The following LRP1B variants were observed in gnomAD, a reference collection of about 807,000 sequenced individuals.
LRP1B encodes LDL receptor related protein 1B, also known as low-density lipoprotein receptor-related protein 1B.
Under a neutral mutation model 556.6 loss-of-function variants are expected in LRP1B, and 217 were observed. The ratio of observed to expected loss-of-function variants is 0.39; its 90% CI spans 0.35 to 0.44. The LOEUF (loss-of-function observed/expected upper bound fraction) is 0.44, where lower values mean the gene tolerates loss of function less well. LRP1B is among the 20% of genes least tolerant of loss of function. LRP1B has a pLI of 1.00. For synonymous variants in LRP1B, 2,047 were observed against 1,865.8 expected, an observed-to-expected ratio of 1.10 and a Z score of -2.50; for missense variants, 5,053 against 5,620.8, an observed-to-expected ratio of 0.90 and a Z score of 3.23.
chr2:140,880,943 G>A (rs1263814698), intron 25 of LRP1B, among the ~76,000 whole-genome samples: 2 of 152,046 alleles, frequency 1.3e-5, no homozygotes, highest in Non-Finnish European at 2.9e-5. Context: ...GGATTTTACA[G>A]ACTGAAAACA....
chr2:141,058,740 C>A, intron 9 of LRP1B, 143 bp downstream of exon 9: 2 of 516,394 alleles, frequency 3.9e-6, no homozygotes, highest in Non-Finnish European at 6.3e-6. Context: ...AGCTCTATTC[C>A]ATTTAACAAG....
chr2:141,035,105 G>A (rs1398478960), intron 11 of LRP1B, among the ~76,000 whole-genome samples: 1 of 151,774 alleles, frequency 6.6e-6, no homozygotes, highest in Non-Finnish European at 1.5e-5. Context: ...ACTATCGCAA[G>A]GACAAAATCA....
chr2:141,615,869 C>G (rs1352621839), intron 2 of LRP1B, among the ~76,000 whole-genome samples: 1 of 152,082 alleles, frequency 6.6e-6, no homozygotes, highest in Non-Finnish European at 1.5e-5. Context: ...CGGCATAAAT[C>G]CTATAAACAG....
intron 1 of LRP1B, among the ~76,000 whole-genome samples, chr2:142,014,925 A>C (rs1703072868): frequency 6.6e-6 from 1 of 152,228 alleles, no homozygotes; most frequent in South Asian, 2.1e-4. Context: ...AAACTAAACT[A>C]AAGATAAATA....
chr2:141,463,582 TTATATATA>T (rs1245832967), intron 3 of LRP1B, among the ~76,000 whole-genome samples: 2 of 78,344 alleles, frequency 2.6e-5, no homozygotes, highest in African/African-American at 1.1e-4. Context: ...TTATATATAA[TTATATATA>T]ATATATATTA....
chr2:141,329,766 C>A (rs866249710), intron 3 of LRP1B, among the ~76,000 whole-genome samples: 4 of 151,768 alleles, frequency 2.6e-5, no homozygotes, highest in African/African-American at 7.2e-5. Flanking sequence ...GGAGAAGGAA[C>A]AAATATCATC....
intron 7 of LRP1B, among the ~76,000 whole-genome samples, chr2:141,177,902 T>A (rs942005348): frequency 6.6e-6 from 1 of 152,122 alleles, no homozygotes; most frequent in Non-Finnish European, 1.5e-5. Flanking sequence ...CTCTGAAACA[T>A]TGTTTTAGAT....
intron 3 of LRP1B, among the ~76,000 whole-genome samples, chr2:141,260,499 G>GTCAA (rs150393672): frequency 1.4e-3 from 1 of 718 alleles, no homozygotes; most frequent in East Asian, 0.045. Context: ...ATTAGAAGTT[G>GTCAA]GCAGTTTCCA....
intron 1 of LRP1B, among the ~76,000 whole-genome samples, chr2:141,971,596 A>G (rs1029635598): frequency 6.6e-6 from 1 of 151,536 alleles, no homozygotes; most frequent in African/African-American, 2.4e-5. Context: ...TGGTAACATT[A>G]AAAATTAATA....
intron 35 of LRP1B, among the ~76,000 whole-genome samples, chr2:140,748,683 T>C (rs1185870696): frequency 8.0e-6 from 1 of 125,648 alleles, no homozygotes; most frequent in Admixed American, 9.2e-5. Flanking sequence ...ATATTATTGC[T>C]AGGAATTTTT....
chr2:140,986,294 C>A (rs1451924608), intron 17 of LRP1B, among the ~76,000 whole-genome samples: 2 of 152,056 alleles, frequency 1.3e-5, no homozygotes, highest in African/African-American at 4.8e-5. Flanking sequence ...CAGTTTTTCA[C>A]TATTATAGCA....
At chr2:141,606,475 T>A (rs1400610172) in intron 2 of LRP1B, among the ~76,000 whole-genome samples, 1 of 152,180 alleles carries the variant, frequency 6.6e-6, no homozygotes, top group African/African-American at 2.4e-5. Flanking sequence ...ATATTATGGA[T>A]TTAATTGTAT....
chr2:141,191,825 C>G (rs1350569996), intron 6 of LRP1B, among the ~76,000 whole-genome samples: 3 of 151,774 alleles, frequency 2.0e-5, no homozygotes, highest in Non-Finnish European at 4.4e-5. Context: ...CTCACTGTTA[C>G]AAATGTCGTT....
Position 140,833,415 on chromosome 2 carries a change from C to T in LRP1B, c.5209+6576G>A, listed in dbSNP as rs1355320190. ...CCCACCACAACTATGACCACCATCA[C>T]TCACTGATTCACCAAAAATTGGTTA... On this transcript the variant is annotated intron_variant, in intron 31 of 90. Coordinates refer to ENST00000389484, the MANE Select transcript of LRP1B (RefSeq NM_018557.3). Among the ~76,000 whole-genome samples, 4 of 152,192 alleles carry T rather than the reference C, an allele frequency of 2.6e-5. No homozygotes were observed. The East Asian group carries it at 7.7e-4, about 29-fold the overall frequency.
At chr2:140,574,672 T>C (rs1681451205) in intron 43 of LRP1B, among the ~76,000 whole-genome samples, 1 of 152,234 alleles carries the variant, frequency 6.6e-6, no homozygotes, top group Non-Finnish European at 1.5e-5. Context: ...CAGCTATAAT[T>C]GTTCAAGGAC....
At chr2:141,960,061 C>T (rs968360234) in intron 1 of LRP1B, among the ~76,000 whole-genome samples, 2 of 151,738 alleles carry the variant, frequency 1.3e-5, no homozygotes, top group African/African-American at 4.8e-5. Context: ...AAAGTTGAAA[C>T]GTGACAAATG....
intron 2 of LRP1B, among the ~76,000 whole-genome samples, chr2:141,737,304 A>T (rs1218205450): frequency 6.6e-6 from 1 of 152,162 alleles, no homozygotes; most frequent in East Asian, 1.9e-4. Flanking sequence ...GTGAGCCAAG[A>T]TCACGCCACT....
chr2:141,145,483 T>C lies in LRP1B; in HGVS notation c.1013+42938A>G, dbSNP rs145710815. Among the ~76,000 whole-genome samples, 250 of 152,224 alleles carry C rather than the reference T, an allele frequency of 1.6e-3. 1 individual carries two copies. Among genetic ancestry groups the C allele is most frequent in the Admixed American group, 0.011 (170 of 15,268 alleles). ...AGTAAATTTAACAGTGTTGGTGTGC[T>C]AGCATACCTGTCATAAAATACTGTT... On this transcript the variant is annotated intron_variant, in intron 7 of 90. Coordinates refer to ENST00000389484, the MANE Select transcript of LRP1B (RefSeq NM_018557.3).
At chr2:140,365,463 A>G (rs1682716925) in intron 71 of LRP1B, among the ~76,000 whole-genome samples, 1 of 151,752 alleles carries the variant, frequency 6.6e-6, no homozygotes, top group Non-Finnish European at 1.5e-5. Flanking sequence ...TACATCTGCC[A>G]CACGCAAAGG....
Sources: gnomAD v4.1 joint callset for allele counts (sites outside exome capture counted in the v4.1 genomes callset) on GRCh38, gnomAD v4.1.1 for gene constraint, MANE v1.5 for transcripts, NCBI Gene and HGNC (gene_info 2026-07-23, HGNC 2026-07-21) for gene names.